PRELID2: variants seen among roughly 807,000 people sequenced by gnomAD.
The protein encoded by PRELID2 is PRELI domain-containing protein 2.
A neutral mutation model predicts 28.4 loss-of-function variants in PRELID2; 25 were observed. The observed-to-expected ratio is 0.88, with a 90% CI of 0.64 to 1.23. PRELID2 has a LOEUF of 1.23. Among genes scored for constraint, PRELID2 ranks in the 50% most tolerant of loss-of-function variants. PRELID2 has a pLI of 0.00. For missense variants in PRELID2, 201 were observed against 214.4 expected (o/e 0.94, Z 0.39); for synonymous variants, 76 against 71.6 (o/e 1.06, Z -0.31).
chr5:145,560,222 A>G (rs1217924396), intron 1 of PRELID2, among the ~76,000 whole-genome samples: 28 of 152,194 alleles, frequency 1.8e-4, no homozygotes, highest in Non-Finnish European at 4.1e-4. Flanking sequence ...AGAGATCACA[A>G]ATGGAACCAT....
intron 1 of PRELID2, among the ~76,000 whole-genome samples, chr5:145,718,950 A>G (rs562250579): frequency 6.6e-6 from 1 of 152,172 alleles, no homozygotes; most frequent in South Asian, 2.1e-4. Context: ...ATAAAATAAA[A>G]GCATACACTA....
At chr5:145,299,931 G>A in the PRELID2 span, among the ~76,000 whole-genome samples, 2 of 151,766 alleles carry the variant, frequency 1.3e-5, no homozygotes, top group African/African-American at 4.8e-5. Flanking sequence ...TACCTTTAGC[G>A]GTTTTAAATC....
At chr5:145,434,029 T>C in the PRELID2 span, among the ~76,000 whole-genome samples, 13 of 152,284 alleles carry the variant, frequency 8.5e-5, no homozygotes, top group South Asian at 2.7e-3. Flanking sequence ...CATGTTTTCA[T>C]TACAAAATGG....
chr5:145,692,489 A>C (rs897132237), intron 1 of PRELID2, among the ~76,000 whole-genome samples: 3 of 152,202 alleles, frequency 2.0e-5, no homozygotes, highest in African/African-American at 7.2e-5. Flanking sequence ...AGCTCCATGC[A>C]TCAATCAGAA....
intron 1 of PRELID2, among the ~76,000 whole-genome samples, chr5:145,688,489 T>C (rs780549988): frequency 6.6e-6 from 1 of 152,138 alleles, no homozygotes; most frequent in Non-Finnish European, 1.5e-5. Flanking sequence ...TGCAGTCCAG[T>C]GACAGAAACA....
At chr5:145,625,869 G>A (rs988478739) in intron 1 of PRELID2, among the ~76,000 whole-genome samples, 1 of 152,036 alleles carries the variant, frequency 6.6e-6, no homozygotes, top group Non-Finnish European at 1.5e-5. Context: ...AACTATTGTT[G>A]GCTCTACTTT....
At chr5:145,557,247 A>C (rs1752888121) in intron 1 of PRELID2, among the ~76,000 whole-genome samples, 1 of 152,226 alleles carries the variant, frequency 6.6e-6, no homozygotes, top group Admixed American at 6.5e-5. Context: ...AAGTTTGCCC[A>C]AGCTGGCGAC....
chr5:145,568,956 G>A (rs1338016990), intron 1 of PRELID2, among the ~76,000 whole-genome samples: 1 of 152,200 alleles, frequency 6.6e-6, no homozygotes, highest in Non-Finnish European at 1.5e-5. Context: ...AAGAAACATG[G>A]CAGTCTGCTC....
chr5:145,469,000 G>A (rs560658641), downstream of PRELID2, among the ~76,000 whole-genome samples: 99 of 152,086 alleles, frequency 6.5e-4, no homozygotes, highest in African/African-American at 2.3e-3. Context: ...TTATTTTTAA[G>A]TTAATTTATT....
At chr5:145,321,867 A>G in the PRELID2 span, among the ~76,000 whole-genome samples, 1 of 152,352 alleles carries the variant, frequency 6.6e-6, no homozygotes, top group African/African-American at 2.4e-5. Flanking sequence ...GCTGTGTCCA[A>G]TAAGGATATA....
At chr5:145,439,098 T>C in the PRELID2 span, among the ~76,000 whole-genome samples, 1 of 152,146 alleles carries the variant, frequency 6.6e-6, no homozygotes. Context: ...TGTCCCCACT[T>C]CTGCACTGCT....
the PRELID2 span, among the ~76,000 whole-genome samples, chr5:145,315,177 C>G: frequency 6.8e-6 from 1 of 147,584 alleles, no homozygotes; most frequent in East Asian, 2.1e-4. Context: ...TCAAGCGATT[C>G]TCCTGCCTCA....
At chr5:145,781,730 T>TAC (rs1371533892) in intron 5 of PRELID2, among the ~76,000 whole-genome samples, 12 of 146,324 alleles carry the variant, frequency 8.2e-5, no homozygotes, top group African/African-American at 3.0e-4. Context: ...TATATATATA[T>TAC]ACTATATATA....
At chr5:145,682,746 A>G (rs770163994) in intron 1 of PRELID2, among the ~76,000 whole-genome samples, 5 of 152,198 alleles carry the variant, frequency 3.3e-5, no homozygotes, top group African/African-American at 1.2e-4. Flanking sequence ...CATGTGTACA[A>G]TATCAAGGTA....
At chr5:145,722,178 G>C (rs1235217488) in intron 1 of PRELID2, among the ~76,000 whole-genome samples, 2 of 151,934 alleles carry the variant, frequency 1.3e-5, no homozygotes, top group African/African-American at 4.8e-5. Flanking sequence ...AATTGATCAA[G>C]TATTAGGTAA....
intron 1 of PRELID2, among the ~76,000 whole-genome samples, chr5:145,668,445 T>A (rs10056757): frequency 0.064 from 9,642 of 150,908 alleles, 1,029 homozygotes; most frequent in African/African-American, 0.22. Flanking sequence ...ATCTAGATTT[T>A]AAAAAAAAAG....
chr5:145,497,729 T>C (rs1423509756), intron 1 of PRELID2, among the ~76,000 whole-genome samples: 1 of 152,134 alleles, frequency 6.6e-6, no homozygotes, highest in Non-Finnish European at 1.5e-5. Context: ...GAACAACAGA[T>C]GGCTAAAATA....
chr5:145,263,830 T>C, the PRELID2 span, among the ~76,000 whole-genome samples: 1 of 143,108 alleles, frequency 7.0e-6, no homozygotes, highest in South Asian at 2.2e-4. Flanking sequence ...AGCAGCAGGA[T>C]AGAAATGGTA....
At chr5:145,799,468 T>C (rs1186803508) in intron 4 of PRELID2, among the ~76,000 whole-genome samples, 1 of 152,062 alleles carries the variant, frequency 6.6e-6, no homozygotes, top group African/African-American at 2.4e-5. Flanking sequence ...GGAGATGGTC[T>C]CTCTCCTCCA....
Sources: gnomAD v4.1 joint callset for allele counts (sites outside exome capture counted in the v4.1 genomes callset) on GRCh38, gnomAD v4.1.1 for gene constraint, MANE v1.5 for transcripts, NCBI Gene and HGNC (gene_info 2026-07-23, HGNC 2026-07-21) for gene names.